SLC39A12: variants seen among roughly 807,000 people sequenced by gnomAD.
SLC39A12 encodes zinc transporter ZIP12.
SLC39A12 carries 63 observed loss-of-function variants against 71.1 expected under a neutral mutation model. That is an observed-to-expected ratio of 0.89 (90% CI 0.72 to 1.09). The LOEUF is 1.09. SLC39A12 is among the 50% of genes least tolerant of loss of function. The pLI is 0.00. For missense variants in SLC39A12, 892 were observed against 812.6 expected (o/e 1.10, Z -1.19); for synonymous variants, 351 against 301.3 (o/e 1.16, Z -1.71).
At chr10:17,983,707 G>A (rs183262835) in intron 6 of SLC39A12, among the ~76,000 whole-genome samples, 11 of 152,020 alleles carry the variant, frequency 7.2e-5, no homozygotes, top group African/African-American at 2.4e-4. Context: ...ATTTGAACCC[G>A]GGAGGTGGAG....
In SLC39A12 at chr10:18,042,741, T is replaced by G; in HGVS notation, c.1984T>G (p.Trp662Gly). 6.2e-7 allele frequency: 1 copy of G among 1,612,932 alleles called. No individual in the cohort carries two copies. The highest frequency in any genetic ancestry group is 8.5e-7 in the Non-Finnish European group (1 of 1,179,544). ...EMTHVQTQRP[W>G]MMFLLQNFGL... ...GACTCATGTTCAAACACAACGACCC[T>G]GGATGATGTTTCTCCTGCAAAACTT... The change falls in exon 13 of 13, where the codon TGG becomes GGG. Residue 662 changes from tryptophan (W) to glycine (G), a missense_variant. Physicochemically the swap from Trp to Gly is radical, Grantham distance 184. Transcript: ENST00000377369.
chr10:17,961,718 C>T lies in SLC39A12; in HGVS notation c.399C>T (p.Leu133=). ...AGGAAGAGATCTGTTCTTCAAAGCTCAACATGAGTAATAAAGAGTATAAAT... is the reference window on the plus strand; with the variant it reads ...AGGAAGAGATCTGTTCTTCAAAGCTTAACATGAGTAATAAAGAGTATAAAT... ...IHQEEICSSK[L]NMSNKEYKFY... is the part of the protein sequence containing the mutation. Residue 133 remains leucine (L), a synonymous_variant, in exon 3 of 13, where the codon CTC becomes CTT. Transcript: ENST00000377369. 3 of 1,614,084 alleles carry T rather than the reference C, an allele frequency of 1.9e-6. No individual in the cohort carries two copies. The highest frequency in any genetic ancestry group is 1.7e-6 in the Non-Finnish European group (2 of 1,179,962).
intron 9 of SLC39A12, among the ~76,000 whole-genome samples, chr10:17,994,431 C>CG (rs1835633619): frequency 1.9e-5 from 1 of 53,278 alleles, no homozygotes; most frequent in African/African-American, 3.9e-5. Flanking sequence ...GAAGAATGTA[C>CG]ATTTTTTTCC....
intron 4 of SLC39A12, among the ~76,000 whole-genome samples, chr10:17,974,470 T>C (rs1313099130): frequency 6.6e-6 from 1 of 152,220 alleles, no homozygotes; most frequent in African/African-American, 2.4e-5. Context: ...TGCTTTAGGA[T>C]ACAGATCTGC....
chr10:18,000,560 A>C, intron 10 of SLC39A12, 107 bp from the exon 11 acceptor site: 1 of 1,009,530 alleles, frequency 9.9e-7, no homozygotes. Flanking sequence ...AATCAGATGG[A>C]ATATAAGAAT....
chr10:18,034,688 T>A (rs1301669158), intron 12 of SLC39A12, among the ~76,000 whole-genome samples: 1 of 151,914 alleles, frequency 6.6e-6, no homozygotes, highest in Non-Finnish European at 1.5e-5. Context: ...GATCCTGTCA[T>A]TATGATGTTA....
chr10:17,998,001 A>G (rs983058024), intron 10 of SLC39A12, among the ~76,000 whole-genome samples: 22 of 152,122 alleles, frequency 1.4e-4, no homozygotes, highest in African/African-American at 3.9e-4. Context: ...CTTCCACTAA[A>G]TAATTTTTTT....
At chr10:18,005,615 T>A (rs1385376609) in intron 12 of SLC39A12, 1 of 152,234 alleles carries the variant, frequency 6.6e-6, no homozygotes, top group Non-Finnish European at 1.5e-5. Context: ...TTTGCTTTTG[T>A]CTACTCTCCC....
chr10:18,002,291 A>T (rs1282778707), intron 11 of SLC39A12: 1 of 152,118 alleles, frequency 6.6e-6, no homozygotes, highest in African/African-American at 2.4e-5. Context: ...CAAAGTCCTG[A>T]CACTGACTCA....
Position 17,991,320 on chromosome 10 carries a change from T to C in SLC39A12, c.1422+17T>C, listed in dbSNP as rs568540735. The C allele has an allele frequency of 4.5e-6, 7 of 1,557,962 alleles. No individual in the cohort carries two copies. The African/African-American group carries it at 9.7e-5, about 22-fold the overall frequency. On this transcript the variant is annotated intron_variant, in intron 8 of 12. Coordinates refer to ENST00000377369, the MANE Select transcript of SLC39A12 (RefSeq NM_001145195.2). ...AATGACAAGGTATATTTTTAAGTTTTATTTGTCTTGTGCTTTAAAGTCTTA... is the reference window on the plus strand; with the variant it reads ...AATGACAAGGTATATTTTTAAGTTTCATTTGTCTTGTGCTTTAAAGTCTTA...
chr10:18,013,852 CTCA>C (rs1836302916), intron 12 of SLC39A12, among the ~76,000 whole-genome samples: 1 of 152,210 alleles, frequency 6.6e-6, no homozygotes, highest in Non-Finnish European at 1.5e-5. Flanking sequence ...CAGTACCACA[CTCA>C]TCTGATTATT....
rs1379511178 is a variant in SLC39A12, at chr10:17,953,428, C to G, written c.152C>G (p.Ser51Cys). Residue 51 changes from serine (S) to cysteine (C), a missense_variant, in exon 2 of 13, where the codon TCT becomes TGT. By Grantham distance (112) the Ser-to-Cys change is moderately radical. Coordinates refer to ENST00000377369, the MANE Select transcript of SLC39A12 (RefSeq NM_001145195.2). ...CCGGCAGACCTGCTACAGGTTCTCT[C>G]TGCTGGTGACCACCCACCCCACAAC... ...GQPADLLQVLSAGDHPPHNHS... is the reference protein window; with the variant it reads ...GQPADLLQVLCAGDHPPHNHS... The G allele has an allele frequency of 6.2e-7, 1 of 1,614,068 alleles. No individual in the cohort carries two copies. The highest frequency in any genetic ancestry group is 1.7e-5 in the Admixed American group (1 of 60,000).
chr10:18,013,096 T>C (rs1351155999), intron 12 of SLC39A12, among the ~76,000 whole-genome samples: 1 of 151,644 alleles, frequency 6.6e-6, no homozygotes, highest in Non-Finnish European at 1.5e-5. Flanking sequence ...TAAATGGTGC[T>C]TTATTAAAAA....
At chr10:18,011,758 G>A (rs181288663) in intron 12 of SLC39A12, among the ~76,000 whole-genome samples, 27 of 152,278 alleles carry the variant, frequency 1.8e-4, no homozygotes, top group African/African-American at 3.4e-4. Context: ...TCCTAATTGC[G>A]TGTGACAGTG....
chr10:18,010,788 C>T (rs988429780), intron 12 of SLC39A12, among the ~76,000 whole-genome samples: 2 of 152,072 alleles, frequency 1.3e-5, no homozygotes, highest in African/African-American at 4.8e-5. Context: ...TGCAGTTGGC[C>T]CTAGAACAAC....
At chr10:18,003,682 A>T (rs1039073518) in intron 12 of SLC39A12, among the ~76,000 whole-genome samples, 2 of 152,206 alleles carry the variant, frequency 1.3e-5, no homozygotes, top group African/African-American at 4.8e-5. Flanking sequence ...TCATCAGCTC[A>T]TTCGATTCCA....
chr10:18,004,872 C>T (rs767813051), intron 12 of SLC39A12, among the ~76,000 whole-genome samples: 4 of 152,158 alleles, frequency 2.6e-5, no homozygotes, highest in African/African-American at 7.2e-5. Flanking sequence ...GATACATATG[C>T]ACCGTGGAAT....
chr10:18,039,686 T>A (rs879932395), intron 12 of SLC39A12, among the ~76,000 whole-genome samples: 3 of 152,042 alleles, frequency 2.0e-5, no homozygotes, highest in Non-Finnish European at 4.4e-5. Flanking sequence ...TATGATCACA[T>A]CACTGCACTC....
chr10:17,967,187 T>C (rs1342278941), intron 4 of SLC39A12, among the ~76,000 whole-genome samples: 2 of 152,184 alleles, frequency 1.3e-5, no homozygotes, highest in Admixed American at 6.5e-5. Flanking sequence ...AGTTTGCTGA[T>C]TGCAGTCCTA....
Sources: gnomAD v4.1 joint callset for allele counts (sites outside exome capture counted in the v4.1 genomes callset) on GRCh38, gnomAD v4.1.1 for gene constraint, MANE v1.5 for transcripts, NCBI Gene and HGNC (gene_info 2026-07-23, HGNC 2026-07-21) for gene names.